The following RMDN2 variants were observed in gnomAD, a reference collection of about 807,000 sequenced individuals.
RMDN2 encodes regulator of microtubule dynamics protein 2.
Under a neutral mutation model 52.8 loss-of-function variants are expected in RMDN2, and 61 were observed. The observed-to-expected ratio is 1.16, with a 90% CI of 0.94 to 1.43. The LOEUF (loss-of-function observed/expected upper bound fraction) is 1.43. Among genes scored for constraint, RMDN2 ranks in the 40% most tolerant of loss-of-function variants. RMDN2 has a pLI of 0.00. For missense variants in RMDN2, 592 were observed against 475.3 expected, an observed-to-expected ratio of 1.25 and a Z score of -2.28; for synonymous variants, 180 against 153.1, an observed-to-expected ratio of 1.18 and a Z score of -1.30.
intron 10 of RMDN2, among the ~76,000 whole-genome samples, chr2:38,010,801 C>T (rs2125225038): frequency 6.6e-6 from 1 of 152,322 alleles, no homozygotes. Flanking sequence ...TTCTGCATCA[C>T]TCACGCTCGG....
intron 10 of RMDN2, among the ~76,000 whole-genome samples, chr2:38,013,482 C>T (rs1008643524): frequency 8.5e-5 from 13 of 152,102 alleles, no homozygotes; most frequent in South Asian, 2.1e-4. Flanking sequence ...GTTAAGAGCA[C>T]GTTATATTTA....
At chr2:38,049,364 A>G (rs928687386) in intron 10 of RMDN2, among the ~76,000 whole-genome samples, 4 of 152,198 alleles carry the variant, frequency 2.6e-5, no homozygotes, top group African/African-American at 7.2e-5. Flanking sequence ...TCAAATGGAC[A>G]TCTAGAGGCC....
chr2:37,925,585 G>C (rs909604985), intron 1 of RMDN2, among the ~76,000 whole-genome samples, 160 bp downstream of exon 1: 1 of 152,246 alleles, frequency 6.6e-6, no homozygotes, highest in African/African-American at 2.4e-5. Context: ...GGTGCTCTGC[G>C]TTCCCGGGGC....
At chr2:37,968,576 T>G (rs886558848) in intron 2 of RMDN2, among the ~76,000 whole-genome samples, 1 of 152,124 alleles carries the variant, frequency 6.6e-6, no homozygotes, top group Admixed American at 6.6e-5. Flanking sequence ...CAGTAAATAA[T>G]GTCTTTTTCT....
rs557582722 is a variant in RMDN2, at chr2:37,974,054, A to C, written c.467A>C (p.Asn156Thr). Reference protein sequence around the residue: ...AESEGGYITANTDTEEQSFPV... With the variant: ...AESEGGYITATTDTEEQSFPV... ...TGCGATTTTAGGTATATTACAGCTA[A>C]TACTGACACAGAAGAACAGAGTTTT... The change falls in exon 3 of 11, where the codon AAT (asparagine) becomes ACT (threonine). Residue 156 changes from asparagine to threonine, a missense_variant. Asn to Thr is a moderately conservative substitution (Grantham distance 65, BLOSUM62 0). Transcript: ENST00000354545. 4 of 1,610,140 alleles carry C rather than the reference A, an allele frequency of 2.5e-6. No individual in the cohort carries two copies. The Admixed American group carries it at 6.7e-5, about 27-fold the overall frequency.
intron 10 of RMDN2, among the ~76,000 whole-genome samples, chr2:38,033,774 A>T (rs533326726): frequency 6.6e-6 from 1 of 152,350 alleles, no homozygotes; most frequent in East Asian, 1.9e-4. Flanking sequence ...ATTTCATGGG[A>T]ATCCAAACTT....
intron 2 of RMDN2, among the ~76,000 whole-genome samples, chr2:37,963,785 C>G (rs1255108555): frequency 6.6e-6 from 1 of 152,204 alleles, no homozygotes; most frequent in Non-Finnish European, 1.5e-5. Context: ...TTCTATTCCA[C>G]AAAACCGCCA....
At chr2:37,932,821 C>A (rs1445301115) in intron 2 of RMDN2, among the ~76,000 whole-genome samples, 2 of 114,524 alleles carry the variant, frequency 1.7e-5, no homozygotes, top group East Asian at 5.2e-4. Flanking sequence ...GGGGGCTGAC[C>A]CCCCGACCTC....
At chr2:38,015,132 C>T (rs745743214) in intron 10 of RMDN2, among the ~76,000 whole-genome samples, 1 of 152,206 alleles carries the variant, frequency 6.6e-6, no homozygotes, top group Non-Finnish European at 1.5e-5. Flanking sequence ...AATGTGGTAA[C>T]CCCAACCCCA....
chr2:38,005,916 C>T (rs1235415356), intron 10 of RMDN2, among the ~76,000 whole-genome samples: 1 of 152,224 alleles, frequency 6.6e-6, no homozygotes, highest in Non-Finnish European at 1.5e-5. Flanking sequence ...CAGCTTTCTA[C>T]ATATGGCTAG....
chr2:37,951,651 C>A (rs138663377), intron 2 of RMDN2: 1 of 1,613,160 alleles, frequency 6.2e-7, no homozygotes, highest in Non-Finnish European at 8.5e-7. Context: ...TTTTTTTGAT[C>A]CTCAAGCAAG....
At chr2:38,012,787 C>G in intron 10 of RMDN2, 2 of 297,638 alleles carry the variant, frequency 6.7e-6, no homozygotes, top group South Asian at 6.4e-5. Context: ...CAAGTTTATT[C>G]ATTTCCAAAA....
chr2:38,028,713 A>G (rs1267420472), intron 10 of RMDN2, among the ~76,000 whole-genome samples: 1 of 152,024 alleles, frequency 6.6e-6, no homozygotes, highest in Non-Finnish European at 1.5e-5. Context: ...TGCACCTCCC[A>G]TTCCTACCCC....
chr2:37,994,338 G>C (rs1212492331), intron 7 of RMDN2, among the ~76,000 whole-genome samples: 1 of 152,120 alleles, frequency 6.6e-6, no homozygotes, highest in African/African-American at 2.4e-5. Context: ...AAACTGTTAC[G>C]GCCATGTAAC....
chr2:37,938,269 T>G (rs1395064808), intron 2 of RMDN2, among the ~76,000 whole-genome samples: 1 of 152,198 alleles, frequency 6.6e-6, no homozygotes, highest in East Asian at 1.9e-4. Flanking sequence ...TGGATAAGCT[T>G]TTTGATGTGC....
chr2:38,032,287 C>T (rs1680265780), intron 10 of RMDN2, among the ~76,000 whole-genome samples: 1 of 152,182 alleles, frequency 6.6e-6, no homozygotes, highest in South Asian at 2.1e-4. Context: ...CAGGCAACCA[C>T]ACATCTGCTT....
intron 2 of RMDN2, chr2:37,950,330 GA>G: frequency 1.1e-6 from 1 of 919,386 alleles, no homozygotes; most frequent in Non-Finnish European, 1.6e-6. Context: ...AGTGAAGGTA[GA>G]AACACATTCC....
downstream of RMDN2, among the ~76,000 whole-genome samples, chr2:38,022,258 G>C (rs957872360): frequency 2.6e-5 from 4 of 152,170 alleles, no homozygotes; most frequent in African/African-American, 9.7e-5. Flanking sequence ...AAAACTGAGT[G>C]ATTTTCTTGA....
chr2:37,930,131 A>AGCC (rs1358071754), intron 2 of RMDN2, among the ~76,000 whole-genome samples: 1 of 152,264 alleles, frequency 6.6e-6, no homozygotes, highest in African/African-American at 2.4e-5. Context: ...GGTAGCCACT[A>AGCC]GCCCCCTCTG....
Sources: gnomAD v4.1 joint callset for allele counts (sites outside exome capture counted in the v4.1 genomes callset) on GRCh38, gnomAD v4.1.1 for gene constraint, MANE v1.5 for transcripts, NCBI Gene and HGNC (gene_info 2026-07-23, HGNC 2026-07-21) for gene names.